The following PPP1CB variants were observed in gnomAD, a reference collection of about 807,000 sequenced individuals.
PPP1CB encodes serine/threonine-protein phosphatase PP1-beta catalytic subunit.
Under a neutral mutation model 43.7 loss-of-function variants are expected in PPP1CB, and 2 were observed. The observed-to-expected ratio is 0.05, with a 90% confidence interval of 0.02 to 0.14. The LOEUF (loss-of-function observed/expected upper bound fraction) is 0.14. Among genes scored for constraint, PPP1CB ranks in the 10% least tolerant of loss-of-function variants. The pLI, the probability that PPP1CB is intolerant of heterozygous loss-of-function variation, is 1.00. For missense variants in PPP1CB, 84 were observed against 398.0 expected (o/e 0.21, Z 6.71); for synonymous variants, 136 against 135.6 (o/e 1.00, Z -0.02).
chr2:28,777,779 A>G (rs1667072649), intron 2 of PPP1CB, among the ~76,000 whole-genome samples: 1 of 152,096 alleles, frequency 6.6e-6, no homozygotes, highest in Non-Finnish European at 1.5e-5. Context: ...CAGACTCCTG[A>G]GTAGCTGGGA....
chr2:28,766,337 G>A (rs1311823448), intron 1 of PPP1CB, among the ~76,000 whole-genome samples: 2 of 152,218 alleles, frequency 1.3e-5, no homozygotes, highest in African/African-American at 4.8e-5. Flanking sequence ...GTTCATTAGA[G>A]CAAATGAAGT....
At chr2:28,757,181 A>G (rs1221586659) in intron 1 of PPP1CB, among the ~76,000 whole-genome samples, 1 of 152,172 alleles carries the variant, frequency 6.6e-6, no homozygotes, top group Admixed American at 6.5e-5. Context: ...TGTTTTTAAC[A>G]TTCATCTTTG....
intron 6 of PPP1CB, among the ~76,000 whole-genome samples, chr2:28,791,522 G>T (rs1053274151): frequency 3.9e-5 from 6 of 152,010 alleles, no homozygotes; most frequent in African/African-American, 1.5e-4. Context: ...TAGAGACGGG[G>T]TTTCACTATG....
intron 1 of PPP1CB, among the ~76,000 whole-genome samples, chr2:28,768,560 T>A (rs1475832504): frequency 6.6e-6 from 1 of 152,162 alleles, no homozygotes; most frequent in African/African-American, 2.4e-5. Flanking sequence ...AGAGGGGCCT[T>A]ATTACACCCT....
intron 1 of PPP1CB, among the ~76,000 whole-genome samples, chr2:28,772,828 CA>C (rs568695817): frequency 3.4e-4 from 52 of 152,040 alleles, no homozygotes; most frequent in Non-Finnish European, 5.4e-4. Context: ...ATCATATTAG[CA>C]CTAAAAAAGG....
At chr2:28,767,513 T>C (rs1273107793) in intron 1 of PPP1CB, among the ~76,000 whole-genome samples, 1 of 152,158 alleles carries the variant, frequency 6.6e-6, no homozygotes, top group Non-Finnish European at 1.5e-5. Context: ...TAAAAGTAAA[T>C]AAAATGTTGC....
intron 5 of PPP1CB, 74 bp from the exon 6 acceptor site, chr2:28,788,584 A>G: frequency 6.7e-7 from 1 of 1,485,178 alleles, no homozygotes; most frequent in Non-Finnish European, 9.3e-7. Flanking sequence ...AGGAACTGAA[A>G]TTTGATGTAG....
Position 28,776,887 on chromosome 2 carries a change from C to T in PPP1CB, c.89C>T (p.Thr30Ile). ...CGTCCAGGAAAGATTGTGCAGATGA[C>T]TGAAGCAGAAGTTCGAGGCTTATGT... ...GCRPGKIVQM[T>I]EAEVRGLCIK... The change falls in exon 2 of 8, where the codon ACT (threonine) becomes ATT (isoleucine). Residue 30 changes from threonine to isoleucine, a missense_variant. By Grantham distance (89) the Thr-to-Ile change is moderately conservative. Coordinates refer to ENST00000395366, the MANE Select transcript of PPP1CB (RefSeq NM_002709.3). 4.3e-6 allele frequency: 7 copies of T among 1,613,070 alleles called. No homozygotes were observed. The highest frequency in any genetic ancestry group is 5.9e-6 in the Non-Finnish European group (7 of 1,179,304).
At chr2:28,794,864 C>T (rs898163511) in intron 7 of PPP1CB, among the ~76,000 whole-genome samples, 6 of 151,958 alleles carry the variant, frequency 3.9e-5, no homozygotes, top group South Asian at 2.1e-4. Context: ...AATTTATGTA[C>T]GTACTAGGTT....
At chr2:28,782,169 A>G (rs1255753824) in intron 4 of PPP1CB, among the ~76,000 whole-genome samples, 1 of 152,152 alleles carries the variant, frequency 6.6e-6, no homozygotes, top group East Asian at 1.9e-4. Flanking sequence ...CTATATTGAA[A>G]TCTTTCATCA....
At position 28,800,531 on chromosome 2, in the gene PPP1CB, G is replaced by T. The variant is rs1355282501; in HGVS notation, c.*1228G>T. 6.6e-6 allele frequency: 1 copy of T among 152,400 alleles called. No homozygotes were observed. The highest frequency in any genetic ancestry group is 2.4e-5 in the African/African-American group (1 of 41,416). 9.4% of individuals were successfully genotyped at this position (152,400 alleles called of 1,614,324 possible). A position where few individuals can be genotyped will look rare whatever the true frequency, so the allele number is the denominator to read the frequency against. ...ATACTGTATAGACAAGCTTTGTAGTGAAGTATAGTAGCAATAATTTCTGTA... is the reference window on the plus strand; with the variant it reads ...ATACTGTATAGACAAGCTTTGTAGTTAAGTATAGTAGCAATAATTTCTGTA... On this transcript the variant is annotated 3_prime_UTR_variant, in exon 8 of 8. Transcript: ENST00000395366.
chr2:28,778,294 A>G, intron 2 of PPP1CB: 1 of 463,916 alleles, frequency 2.2e-6, no homozygotes, highest in Non-Finnish European at 4.5e-6. Context: ...AAATCATTCC[A>G]AAACTTTGTG....
intron 5 of PPP1CB, among the ~76,000 whole-genome samples, chr2:28,785,715 A>G (rs1038301989): frequency 1.1e-3 from 168 of 152,234 alleles, no homozygotes; most frequent in African/African-American, 3.9e-3. Flanking sequence ...AGGCTGAGGC[A>G]GGAGGATCAC....
chr2:28,796,858 C>A (rs1220256924), intron 7 of PPP1CB, among the ~76,000 whole-genome samples: 4 of 152,068 alleles, frequency 2.6e-5, no homozygotes, highest in Admixed American at 6.5e-5. Flanking sequence ...TGTTCCAGTT[C>A]TCAAGGGGAA....
chr2:28,773,310 T>G (rs1467387399), intron 1 of PPP1CB, among the ~76,000 whole-genome samples: 1 of 152,136 alleles, frequency 6.6e-6, no homozygotes, highest in East Asian at 1.9e-4. Flanking sequence ...GATCCAAAAA[T>G]TTTATGTGGT....
At chr2:28,769,799 A>G (rs1666863254) in intron 1 of PPP1CB, among the ~76,000 whole-genome samples, 1 of 152,182 alleles carries the variant, frequency 6.6e-6, no homozygotes, top group East Asian at 1.9e-4. Context: ...TAAATGAAAA[A>G]AGAATATATA....
At chr2:28,766,095 G>A (rs1666771868) in intron 1 of PPP1CB, among the ~76,000 whole-genome samples, 1 of 152,008 alleles carries the variant, frequency 6.6e-6, no homozygotes, top group African/African-American at 2.4e-5. Flanking sequence ...GAATTAAAAG[G>A]GGAAAAATTA....
chr2:28,785,051 A>C (rs1486756056), intron 5 of PPP1CB, among the ~76,000 whole-genome samples: 2 of 131,376 alleles, frequency 1.5e-5, no homozygotes, highest in Non-Finnish European at 3.4e-5. Flanking sequence ...TGTTGTAATA[A>C]ATTGTGTTAG....
At position 28,799,787 on chromosome 2, in the gene PPP1CB, A is replaced by G. The variant is rs1667570884; in HGVS notation, c.*484A>G. ...GTGAAATATGGGAAGAGCTTTACAG[A>G]CATTCACCAACTATTATTTTCCCTT... is the stretch of plus-strand genomic sequence containing the variant. On this transcript the variant is annotated 3_prime_UTR_variant, in exon 8 of 8. Transcript: ENST00000395366. 1 of 152,686 alleles carries G rather than the reference A, an allele frequency of 6.5e-6. No homozygotes were observed. Among genetic ancestry groups the G allele is most frequent in the Non-Finnish European group, 1.5e-5 (1 of 68,060 alleles). 9.5% of individuals were successfully genotyped at this position (152,686 alleles called of 1,614,324 possible).
Sources: allele counts gnomAD v4.1 joint callset (sites outside exome capture counted in the v4.1 genomes callset), GRCh38; gene constraint gnomAD v4.1.1; transcripts MANE v1.5; gene names NCBI Gene and HGNC (gene_info 2026-07-23, HGNC 2026-07-21).